The following DCC variants were observed in gnomAD, a reference collection of about 807,000 sequenced individuals.
The protein encoded by DCC is DCC netrin 1 receptor.
Under a neutral mutation model 172.5 loss-of-function variants are expected in DCC, and 58 were observed. That is an observed-to-expected ratio of 0.34 (90% CI 0.27 to 0.42). The LOEUF (loss-of-function observed/expected upper bound fraction) is 0.42, where lower values mean the gene tolerates loss of function less well. Ranked by LOEUF, DCC falls within the 10% of genes least tolerant of loss-of-function variation. DCC has a pLI of 1.00. For missense variants in DCC, 1,740 were observed against 1,791.0 expected (o/e 0.97, Z 0.51); for synonymous variants, 709 against 644.5 (o/e 1.10, Z -1.52).
At chr18:53,409,498 T>A (rs1412505007) in intron 19 of DCC, among the ~76,000 whole-genome samples, 3 of 152,200 alleles carry the variant, frequency 2.0e-5, no homozygotes, top group African/African-American at 7.2e-5. Flanking sequence ...GACATTTGTT[T>A]ATCAATGACA....
At chr18:52,716,373 G>T (rs564488812) in intron 1 of DCC, among the ~76,000 whole-genome samples, 1 of 152,218 alleles carries the variant, frequency 6.6e-6, no homozygotes, top group Non-Finnish European at 1.5e-5. Context: ...ACCCATGACG[G>T]ACAGTAAAGG....
intron 2 of DCC, among the ~76,000 whole-genome samples, chr18:52,814,594 T>G (rs905581661): frequency 6.6e-6 from 1 of 152,104 alleles, no homozygotes; most frequent in African/African-American, 2.4e-5. Context: ...TGCTAAATAA[T>G]AGGCAAAAAA....
intron 5 of DCC, among the ~76,000 whole-genome samples, chr18:53,011,114 A>C (rs2041724726): frequency 6.6e-6 from 1 of 151,478 alleles, no homozygotes; most frequent in African/African-American, 2.4e-5. Context: ...TCATTTTACA[A>C]ATACTCTGAC....
At chr18:53,424,449 TAGG>T (rs2145084842) in intron 21 of DCC, among the ~76,000 whole-genome samples, 1 of 152,222 alleles carries the variant, frequency 6.6e-6, no homozygotes, top group East Asian at 1.9e-4. Context: ...GCAATATAGT[TAGG>T]AGGAGGATAT....
chr18:52,827,364 T>C (rs1334139604), intron 2 of DCC, among the ~76,000 whole-genome samples: 2 of 152,214 alleles, frequency 1.3e-5, no homozygotes, highest in Admixed American at 1.3e-4. Flanking sequence ...CATTTTAAAA[T>C]GGCTGAGGTG....
intron 21 of DCC, among the ~76,000 whole-genome samples, chr18:53,426,226 T>C (rs967497751): frequency 1.4e-4 from 20 of 147,198 alleles, no homozygotes; most frequent in African/African-American, 4.7e-4. Context: ...AAAATATATA[T>C]GTATGTGTCT....
In DCC at chr18:52,829,698, T is replaced by C. The variant is rs570538342; in HGVS notation, c.413-76346T>C. Among the ~76,000 whole-genome samples, 4 of 152,320 alleles carry C rather than the reference T, an allele frequency of 2.6e-5. No homozygotes were observed. The South Asian group carries it at 8.3e-4, about 32-fold the overall frequency. On this transcript the variant is annotated intron_variant, in intron 2 of 28. Transcript: ENST00000442544. ...TTCACATGCATATATATTTATGTAT[T>C]ACTCACCAAAAATTACTGAGTGTAT...
At chr18:53,344,651 A>G (rs1045769832) in intron 15 of DCC, among the ~76,000 whole-genome samples, 37 of 151,436 alleles carry the variant, frequency 2.4e-4, no homozygotes, top group African/African-American at 8.7e-4. Context: ...AATCTTGTCC[A>G]TGCTGGTCTT....
chr18:52,789,673 T>C (rs2037723739), intron 2 of DCC, among the ~76,000 whole-genome samples: 1 of 152,150 alleles, frequency 6.6e-6, no homozygotes. Context: ...TTCAAAGTGG[T>C]GGTAAGCAGC....
At chr18:52,745,948 G>A (rs2036899361) in intron 1 of DCC, among the ~76,000 whole-genome samples, 1 of 152,194 alleles carries the variant, frequency 6.6e-6, no homozygotes, top group South Asian at 2.1e-4. Context: ...ACCAAGTGAA[G>A]TTAACATATG....
At chr18:52,515,456 A>G (rs1180568445) in intron 1 of DCC, among the ~76,000 whole-genome samples, 1 of 150,738 alleles carries the variant, frequency 6.6e-6, no homozygotes, top group Non-Finnish European at 1.5e-5. Flanking sequence ...AAATACAAAA[A>G]ATTATCCGGG....
At chr18:53,091,133 GA>G (rs2043002275) in intron 7 of DCC, among the ~76,000 whole-genome samples, 1 of 151,954 alleles carries the variant, frequency 6.6e-6, no homozygotes, top group African/African-American at 2.4e-5. Flanking sequence ...GGCTATCTTA[GA>G]GAATACATGG....
intron 1 of DCC, among the ~76,000 whole-genome samples, chr18:52,556,429 T>G (rs1480220665): frequency 2.0e-5 from 3 of 152,044 alleles, no homozygotes; most frequent in Non-Finnish European, 4.4e-5. Context: ...GATAGAGTGG[T>G]CATAGCTTCC....
rs549389503 is a variant in DCC at position 52,477,405 on chromosome 18, A to G, written c.91+136527A>G. On this transcript the variant is annotated intron_variant, in intron 1 of 28. Transcript: ENST00000442544. ...TTTATTCTTTCCCATCTGAATTACC[A>G]TCTTCCTGACAGAATGCCAAAGGTA... 3.3e-5 allele frequency among the ~76,000 whole-genome samples: 5 copies of G among 152,296 alleles called. No individual in the cohort carries two copies. The South Asian group carries it at 1.0e-3, about 32-fold the overall frequency.
chr18:52,519,967 T>G (rs1163986404), intron 1 of DCC, among the ~76,000 whole-genome samples: 3 of 152,146 alleles, frequency 2.0e-5, no homozygotes, highest in Non-Finnish European at 4.4e-5. Context: ...TCCCATTGTA[T>G]CTCAAGAGTA....
intron 1 of DCC, among the ~76,000 whole-genome samples, chr18:52,726,309 A>G (rs1396603255): frequency 2.0e-5 from 3 of 152,132 alleles, no homozygotes; most frequent in Non-Finnish European, 4.4e-5. Flanking sequence ...TCTCTCTGTA[A>G]TCCAGCAATT....
At chr18:52,654,492 A>G (rs1181320995) in intron 1 of DCC, among the ~76,000 whole-genome samples, 2 of 152,160 alleles carry the variant, frequency 1.3e-5, no homozygotes, top group Non-Finnish European at 2.9e-5. Flanking sequence ...AACTCAAGGT[A>G]TCAGCAGGTT....
chr18:52,580,056 A>T (rs1385985499), intron 1 of DCC, among the ~76,000 whole-genome samples: 2 of 152,216 alleles, frequency 1.3e-5, no homozygotes, highest in African/African-American at 4.8e-5. Flanking sequence ...CGGGGAGGGA[A>T]TGCCAGGATA....
intron 26 of DCC, 67 bp from the exon 27 acceptor site, chr18:53,499,231 T>A: frequency 6.6e-7 from 1 of 1,512,636 alleles, no homozygotes; most frequent in South Asian, 1.1e-5. Flanking sequence ...CAGGGACTGT[T>A]CCAGTGACTT....
Sources: allele counts gnomAD v4.1 joint callset (sites outside exome capture counted in the v4.1 genomes callset), GRCh38; gene constraint gnomAD v4.1.1; transcripts MANE v1.5; gene names NCBI Gene and HGNC (gene_info 2026-07-23, HGNC 2026-07-21).